The following PDZRN3 variants were observed in gnomAD, a reference collection of about 807,000 sequenced individuals.
The protein encoded by PDZRN3 is PDZ domain containing ring finger 3.
Under a neutral mutation model 85.7 loss-of-function variants are expected in PDZRN3, and 38 were observed. That is an observed-to-expected ratio of 0.44 (90% CI 0.34 to 0.58). The LOEUF (loss-of-function observed/expected upper bound fraction) is 0.58, where lower values mean the gene tolerates loss of function less well. PDZRN3 is among the 20% of genes least tolerant of loss of function. The pLI, the probability that PDZRN3 is intolerant of heterozygous loss-of-function variation, is 0.01. For synonymous variants in PDZRN3, 759 were observed against 638.0 expected, an observed-to-expected ratio of 1.19 and a Z score of -2.86; for missense variants, 1,629 against 1,506.4, an observed-to-expected ratio of 1.08 and a Z score of -1.35.
chr3:73,623,351 A>C (rs1205261374), intron 1 of PDZRN3, among the ~76,000 whole-genome samples: 1 of 152,194 alleles, frequency 6.6e-6, no homozygotes, highest in Non-Finnish European at 1.5e-5. Context: ...GAGGACTCAC[A>C]CTTAATTATT....
At chr3:73,452,081 T>C (rs781386261) in intron 3 of PDZRN3, among the ~76,000 whole-genome samples, 18 of 152,170 alleles carry the variant, frequency 1.2e-4, no homozygotes, top group Non-Finnish European at 1.8e-4. Context: ...GCTAATTAGC[T>C]CAGCTGGTTA....
chr3:73,518,909 A>C (rs941652093), intron 3 of PDZRN3, among the ~76,000 whole-genome samples: 1 of 152,190 alleles, frequency 6.6e-6, no homozygotes, highest in African/African-American at 2.4e-5. Flanking sequence ...TGGGAGCACA[A>C]ATATCCAGCC....
chr3:73,416,876 G>GTTTTTTTTTTTTTTTTTTTTTTTTTTTTT lies in PDZRN3; in HGVS notation c.919-12510_919-12482dup, dbSNP rs146381615. ...TTTTTTTTTTGTTTGTTTTTTTTTG[G>GTTTTTTTTTTTTTTTTTTTTTTTTTTTTT]TTTTTTTTTTTTTTTTTTTTTTTTT... On this transcript the variant is annotated intron_variant, in intron 3 of 9. Coordinates refer to ENST00000263666, the MANE Select transcript of PDZRN3 (RefSeq NM_015009.3). Among the ~76,000 whole-genome samples, 40 of 110,400 alleles carry GTTTTTTTTTTTTTTTTTTTTTTTTTTTTT rather than the reference G, an allele frequency of 3.6e-4. 4 individuals carry two copies. The highest frequency in any genetic ancestry group is 6.3e-4 in the South Asian group (2 of 3,200). The allele number at this position is 110,400 out of a possible 152,430, so 72.4% of individuals were successfully genotyped here.
At chr3:73,411,718 G>A (rs187025306) in intron 3 of PDZRN3, among the ~76,000 whole-genome samples, 27 of 152,220 alleles carry the variant, frequency 1.8e-4, no homozygotes, top group Admixed American at 8.5e-4. Flanking sequence ...GCTTGAAAAC[G>A]GTGTCTCCCA....
intron 5 of PDZRN3, among the ~76,000 whole-genome samples, chr3:73,399,882 C>T (rs1049711227): frequency 4.6e-5 from 7 of 152,160 alleles, no homozygotes; most frequent in Admixed American, 2.6e-4. Flanking sequence ...GTGAAGTCAT[C>T]GTTTGCACAC....
chr3:73,445,717 G>A (rs1016967727), intron 3 of PDZRN3, among the ~76,000 whole-genome samples: 4 of 152,204 alleles, frequency 2.6e-5, no homozygotes, highest in African/African-American at 9.7e-5. Flanking sequence ...AGCCGGGTAA[G>A]AACTACTGAT....
intron 3 of PDZRN3, among the ~76,000 whole-genome samples, chr3:73,599,183 G>A (rs751170374): frequency 2.0e-5 from 3 of 152,182 alleles, no homozygotes; most frequent in Non-Finnish European, 4.4e-5. Context: ...ACAACCAAAA[G>A]GTTAAAGCAA....
At chr3:73,424,541 CAAAAAA>C (rs34550639) in intron 3 of PDZRN3, among the ~76,000 whole-genome samples, 1 of 54,238 alleles carries the variant, frequency 1.8e-5, no homozygotes, top group Non-Finnish European at 3.2e-5. Flanking sequence ...GACTCCATCT[CAAAAAA>C]AAAAAAAAAA....
At position 73,570,393 on chromosome 3, in the gene PDZRN3, A is replaced by T. The variant is rs546861179; in HGVS notation, c.918+31961T>A. Among the ~76,000 whole-genome samples the T allele has an allele frequency of 2.6e-5, 4 of 152,322 alleles. No homozygotes were observed. The East Asian group carries it at 7.7e-4, about 29-fold the overall frequency. ...ACCGGCATATTTCACTTGCTTTTGT[A>T]CTGGCCAAAAAGTAAAGGCTGCGTA... On this transcript the variant is annotated intron_variant, in intron 3 of 9. Transcript: ENST00000263666.
chr3:73,566,391 C>CT (rs1342787214), intron 3 of PDZRN3, among the ~76,000 whole-genome samples: 1 of 152,140 alleles, frequency 6.6e-6, no homozygotes. Context: ...GAAGGAAAGT[C>CT]TTTATCCATA....
intron 3 of PDZRN3, among the ~76,000 whole-genome samples, chr3:73,554,851 C>A (rs1461983158): frequency 1.3e-5 from 2 of 152,134 alleles, no homozygotes; most frequent in Non-Finnish European, 2.9e-5. Context: ...TACATCATGC[C>A]AAATGGGTGA....
intron 3 of PDZRN3, among the ~76,000 whole-genome samples, chr3:73,481,808 A>G (rs562768759): frequency 6.6e-6 from 1 of 152,366 alleles, no homozygotes; most frequent in African/African-American, 2.4e-5. Context: ...AATGGACCTC[A>G]ACGATTATTC....
chr3:73,495,527 T>C (rs934694647), intron 3 of PDZRN3, among the ~76,000 whole-genome samples: 4 of 152,242 alleles, frequency 2.6e-5, no homozygotes, highest in African/African-American at 9.6e-5. Context: ...ACCTTTCTTA[T>C]CCGTGCGCAT....
At chr3:73,580,738 C>T (rs1039713460) in intron 3 of PDZRN3, among the ~76,000 whole-genome samples, 2 of 152,168 alleles carry the variant, frequency 1.3e-5, no homozygotes, top group African/African-American at 4.8e-5. Context: ...CAAAATAGGG[C>T]TTTTATTTAA....
intron 3 of PDZRN3, among the ~76,000 whole-genome samples, chr3:73,512,688 G>T (rs1311306913): frequency 6.6e-6 from 1 of 152,092 alleles, no homozygotes; most frequent in African/African-American, 2.4e-5. Flanking sequence ...AACCCTTCTG[G>T]AGGCTTAGAA....
chr3:73,592,818 C>G (rs1191295538), intron 3 of PDZRN3, among the ~76,000 whole-genome samples: 1 of 152,260 alleles, frequency 6.6e-6, no homozygotes, highest in South Asian at 2.1e-4. Context: ...TCTGCCCTTG[C>G]GTCTTCCTAT....
intron 3 of PDZRN3, among the ~76,000 whole-genome samples, chr3:73,455,889 A>G (rs535482969): frequency 5.1e-4 from 77 of 152,336 alleles, no homozygotes; most frequent in African/African-American, 1.8e-3. Context: ...GGGTAATTCC[A>G]TGTCCATGCA....
chr3:73,564,407 G>A (rs926417771), intron 3 of PDZRN3, among the ~76,000 whole-genome samples: 1 of 152,074 alleles, frequency 6.6e-6, no homozygotes, highest in African/African-American at 2.4e-5. Context: ...GACATGGGAG[G>A]GCCAGGATCT....
At chr3:73,510,814 G>A (rs1704150175) in intron 3 of PDZRN3, among the ~76,000 whole-genome samples, 1 of 152,120 alleles carries the variant, frequency 6.6e-6, no homozygotes, top group Non-Finnish European at 1.5e-5. Context: ...GGCACAGTAA[G>A]AGATTAACAA....
Sources: allele counts gnomAD v4.1 joint callset (sites outside exome capture counted in the v4.1 genomes callset), GRCh38; gene constraint gnomAD v4.1.1; transcripts MANE v1.5; gene names NCBI Gene and HGNC (gene_info 2026-07-23, HGNC 2026-07-21).